The following PIK3CD variants were observed in gnomAD, a reference collection of about 807,000 sequenced individuals.
The protein encoded by PIK3CD is phosphatidylinositol-4,5-bisphosphate 3-kinase catalytic subunit delta.
In PIK3CD, 20 loss-of-function variants were observed where a neutral mutation model predicts 122.9. The observed-to-expected ratio is 0.16, with a 90% CI of 0.11 to 0.24. PIK3CD has a LOEUF of 0.24. PIK3CD is among the 10% of genes least tolerant of loss of function. The probability of loss-of-function intolerance (pLI) is 1.00; values close to 1 mark genes in which losing one functional copy is unlikely to be tolerated. For missense variants in PIK3CD, 787 were observed against 1,406.3 expected (o/e 0.56, Z 7.04); for synonymous variants, 596 against 593.4 (o/e 1.00, Z -0.06).
intron 1 of PIK3CD, among the ~76,000 whole-genome samples, chr1:9,658,490 A>G (rs1164690807): frequency 7.2e-6 from 1 of 138,688 alleles, no homozygotes; most frequent in Non-Finnish European, 1.5e-5. Context: ...CTGTCTTTGG[A>G]GTCAGCTGAA....
intron 1 of PIK3CD, among the ~76,000 whole-genome samples, chr1:9,679,556 C>T (rs921668295): frequency 6.6e-6 from 1 of 152,100 alleles, no homozygotes; most frequent in Admixed American, 6.6e-5. Context: ...CTTGGTTAGC[C>T]GCCCTTAGCC....
the PIK3CD span, among the ~76,000 whole-genome samples, chr1:9,641,067 G>A: frequency 2.0e-5 from 3 of 152,078 alleles, no homozygotes; most frequent in South Asian, 4.1e-4. Flanking sequence ...TACATTTTTC[G>A]GCAGCACAAC....
chr1:9,657,706 C>G (rs1644899347), intron 1 of PIK3CD, among the ~76,000 whole-genome samples: 1 of 152,120 alleles, frequency 6.6e-6, no homozygotes, highest in South Asian at 2.1e-4. Flanking sequence ...ATTCCCAGCC[C>G]AGGGCTACTC....
In PIK3CD at chr1:9,719,992, C is replaced by A; in HGVS notation, c.1314C>A (p.Cys438Ter). The A allele has an allele frequency of 6.2e-7, 1 of 1,613,716 alleles. No homozygotes were observed. The highest frequency in any genetic ancestry group is 8.5e-7 in the Non-Finnish European group (1 of 1,180,010). Residue 438 changes from cysteine to a stop codon, truncating the protein, a stop_gained, in exon 10 of 24, where the codon TGC becomes TGA. Transcript: ENST00000377346. LOFTEE classifies it high-confidence loss of function. The surrounding 1 kb of genome is among the most constrained non-coding windows in gnomAD (Gnocchi z 5.5). ...ACCAGCTTAAGACCGGGGAACGCTG[C>A]CTCTACATGTGGCCCTCCGTCCCAG... The part of the protein sequence containing the change: ...YKDQLKTGER[C>*]LYMWPSVPDE...
At chr1:9,713,515 T>C (rs1647138022) in intron 3 of PIK3CD, among the ~76,000 whole-genome samples, 1 of 152,232 alleles carries the variant, frequency 6.6e-6, no homozygotes, top group Admixed American at 6.5e-5. Context: ...ATAATTCTGA[T>C]TATGACCTTT....
At chr1:9,633,386 C>T in the PIK3CD span, among the ~76,000 whole-genome samples, 2 of 152,200 alleles carry the variant, frequency 1.3e-5, no homozygotes, top group African/African-American at 2.4e-5. Context: ...CGGCTCACTG[C>T]AAGCTCTGCT....
chr1:9,690,010 G>T (rs1646140782), intron 1 of PIK3CD, among the ~76,000 whole-genome samples: 1 of 152,188 alleles, frequency 6.6e-6, no homozygotes, highest in South Asian at 2.1e-4. Context: ...CTCCGCTGCC[G>T]CCCTTGATGG....
Position 9,720,052 on chromosome 1 carries a change from G to C in PIK3CD, c.1339+35G>C. 1 of 1,613,422 alleles carries C rather than the reference G, an allele frequency of 6.2e-7. No homozygotes were observed. The highest frequency in any genetic ancestry group is 1.1e-5 in the South Asian group (1 of 91,092). Reference sequence around the variant, plus strand: ...GGCCCAGGAGGGAGAGGCGTTGGGAGTGTGAGGGTCCCAGAGATGCTGGTC... The same window carrying C: ...GGCCCAGGAGGGAGAGGCGTTGGGACTGTGAGGGTCCCAGAGATGCTGGTC... On this transcript the variant is annotated intron_variant, in intron 10 of 23. Coordinates refer to ENST00000377346, the MANE Select transcript of PIK3CD (RefSeq NM_005026.5). The surrounding 1 kb of genome is among the most constrained non-coding windows in gnomAD (Gnocchi z 9.0).
chr1:9,648,823 C>T (rs1208990231), upstream of PIK3CD, among the ~76,000 whole-genome samples: 5 of 152,204 alleles, frequency 3.3e-5, no homozygotes, highest in African/African-American at 7.2e-5. Flanking sequence ...TGGACCAGGC[C>T]GGGCGCAGTG....
chr1:9,693,611 G>T (rs902789188), intron 2 of PIK3CD, among the ~76,000 whole-genome samples: 3 of 151,246 alleles, frequency 2.0e-5, no homozygotes, highest in African/African-American at 7.3e-5. Context: ...CATAACAATC[G>T]AACATATATG....
chr1:9,636,240 C>G, the PIK3CD span, among the ~76,000 whole-genome samples: 6 of 152,158 alleles, frequency 3.9e-5, no homozygotes, highest in African/African-American at 1.4e-4. Flanking sequence ...GTTGCCCAGG[C>G]TGGAGTGCAG....
chr1:9,720,987 C>G lies in PIK3CD; in HGVS notation c.1689+78C>G. On this transcript the variant is annotated intron_variant, in intron 13 of 23. Coordinates refer to ENST00000377346, the MANE Select transcript of PIK3CD (RefSeq NM_005026.5). The surrounding 1 kb of genome is among the most constrained non-coding windows in gnomAD (Gnocchi z 9.0). ...GGCTACCCACCACCCTGACCCCGGCCAACCCCCACCCTCACCCTGGCCAAC... is the reference window on the plus strand; with the variant it reads ...GGCTACCCACCACCCTGACCCCGGCGAACCCCCACCCTCACCCTGGCCAAC... The G allele has an allele frequency of 6.7e-7, 1 of 1,482,714 alleles. No individual in the cohort carries two copies. Among genetic ancestry groups the G allele is most frequent in the Non-Finnish European group, 9.1e-7 (1 of 1,094,644 alleles). 91.8% of individuals were successfully genotyped at this position (1,482,714 alleles called of 1,614,324 possible).
intron 16 of PIK3CD, 38 bp downstream of exon 16, chr1:9,721,898 C>A: frequency 6.2e-7 from 1 of 1,611,944 alleles, no homozygotes; most frequent in East Asian, 2.2e-5. Flanking sequence ...CAGGGGGCGG[C>A]CCTGAGCGTC....
chr1:9,696,412 C>T (rs1426871993), intron 2 of PIK3CD, among the ~76,000 whole-genome samples: 3 of 151,674 alleles, frequency 2.0e-5, no homozygotes, highest in African/African-American at 4.8e-5. Flanking sequence ...CATAGTGAGA[C>T]CCCATCTCTA....
At position 9,718,061 on chromosome 1, in the gene PIK3CD, C is replaced by T; in HGVS notation, c.1020+435C>T. The T allele has an allele frequency of 4.2e-6, 2 of 475,386 alleles. No homozygotes were observed. The highest frequency in any genetic ancestry group is 8.3e-6 in the Non-Finnish European group (2 of 240,084). 29.4% of individuals were successfully genotyped at this position (475,386 alleles called of 1,614,324 possible). The stretch of plus-strand genomic sequence containing the variant: ...ACCTCTAGGGGCTGAGCCCACCTCC[C>T]TGTTGTCTCTTAACACTTTCACACG... On this transcript the variant is annotated intron_variant, in intron 8 of 23. Transcript: ENST00000377346. The surrounding 1 kb of genome is among the most constrained non-coding windows in gnomAD (Gnocchi z 7.2).
chr1:9,686,642 C>G (rs1458367717), intron 1 of PIK3CD, among the ~76,000 whole-genome samples: 3 of 152,232 alleles, frequency 2.0e-5, no homozygotes, highest in African/African-American at 7.2e-5. Context: ...GCGTGAGCCA[C>G]TGTGCCAGGT....
chr1:9,709,758 G>A (rs943996440), intron 2 of PIK3CD, among the ~76,000 whole-genome samples: 9 of 152,036 alleles, frequency 5.9e-5, no homozygotes, highest in African/African-American at 1.9e-4. Context: ...TGTGATCCCA[G>A]AACTTTGGGA....
Position 9,722,658 on chromosome 1 carries a change from G to A in PIK3CD, c.2426+52G>A. 6.8e-7 allele frequency: 1 copy of A among 1,477,730 alleles called. No individual in the cohort carries two copies. Among genetic ancestry groups the A allele is most frequent in the South Asian group, 1.1e-5 (1 of 88,114 alleles). 91.5% of individuals were successfully genotyped at this position (1,477,730 alleles called of 1,614,324 possible). A position where few individuals can be genotyped will look rare whatever the true frequency, so the allele number is the denominator to read the frequency against. The stretch of plus-strand genomic sequence containing the variant: ...CTTGGTGTCTGTGCCCAGCCTGGGA[G>A]TCTGTGCCCCTGGAGGGGTCCTTGT... On this transcript the variant is annotated intron_variant, in intron 19 of 23. Transcript: ENST00000377346. The surrounding 1 kb of genome is among the most constrained non-coding windows in gnomAD (Gnocchi z 7.6).
At chr1:9,646,521 T>C in the PIK3CD span, among the ~76,000 whole-genome samples, 2 of 151,882 alleles carry the variant, frequency 1.3e-5, no homozygotes, top group Admixed American at 6.6e-5. Context: ...CTTCCAGAGG[T>C]GGGGAACTGT....
Sources: gnomAD v4.1 joint callset for allele counts (sites outside exome capture counted in the v4.1 genomes callset) on GRCh38, gnomAD v4.1.1 for gene constraint, Gnocchi (gnomAD v3.1) non-coding constraint, MANE v1.5 for transcripts, NCBI Gene and HGNC (gene_info 2026-07-23, HGNC 2026-07-21) for gene names.